Variants in VEPH1 observed in about 807,000 individuals in gnomAD.
The protein encoded by VEPH1 is ventricular zone-expressed PH domain-containing protein homolog 1.
VEPH1 carries 80 observed loss-of-function variants against 85.2 expected under a neutral mutation model. The ratio of observed to expected loss-of-function variants is 0.94; its 90% CI spans 0.78 to 1.13. The LOEUF is 1.13. Among genes scored for constraint, VEPH1 ranks in the 50% most tolerant of loss-of-function variants. VEPH1 has a pLI of 0.00. For missense variants in VEPH1, 955 were observed against 980.5 expected, an observed-to-expected ratio of 0.97 and a Z score of 0.35; for synonymous variants, 297 against 348.0, an observed-to-expected ratio of 0.85 and a Z score of 1.63.
At chr3:157,273,583 G>A (rs1013545593) in intron 12 of VEPH1, among the ~76,000 whole-genome samples, 5 of 152,130 alleles carry the variant, frequency 3.3e-5, no homozygotes, top group African/African-American at 1.2e-4. Flanking sequence ...AGCTGAGGAA[G>A]GGAGGCATAA....
At chr3:157,484,632 AT>A (rs1356136464) in intron 2 of VEPH1, among the ~76,000 whole-genome samples, 1 of 152,226 alleles carries the variant, frequency 6.6e-6, no homozygotes, top group Non-Finnish European at 1.5e-5. Context: ...TTTCAAGGGT[AT>A]TACACAGGTA....
intron 3 of VEPH1, among the ~76,000 whole-genome samples, chr3:157,464,549 A>G (rs1018250369): frequency 1.3e-5 from 2 of 152,222 alleles, no homozygotes; most frequent in African/African-American, 4.8e-5. Flanking sequence ...GAACAAATTC[A>G]GCGAAGTGCA....
intron 9 of VEPH1, among the ~76,000 whole-genome samples, chr3:157,344,945 A>G (rs1724033995): frequency 6.6e-6 from 1 of 152,260 alleles, no homozygotes; most frequent in African/African-American, 2.4e-5. Context: ...CCTATTTAAT[A>G]AATGGTGCTG....
chr3:157,318,475 G>A (rs1219018125), intron 9 of VEPH1, among the ~76,000 whole-genome samples: 1 of 152,066 alleles, frequency 6.6e-6, no homozygotes, highest in African/African-American at 2.4e-5. Flanking sequence ...GGGCATGGTG[G>A]CATCTGCCTA....
At chr3:157,295,602 T>TAA (rs371857352) in intron 11 of VEPH1, among the ~76,000 whole-genome samples, 103,039 of 152,006 alleles carry the variant, frequency 0.68, 35,170 homozygotes, top group East Asian at 0.78. Flanking sequence ...AGCAGAGAGC[T>TAA]GGTGTTGGAG....
intron 5 of VEPH1, among the ~76,000 whole-genome samples, chr3:157,416,468 C>T (rs546164959): frequency 5.9e-5 from 9 of 152,280 alleles, no homozygotes; most frequent in Non-Finnish European, 1.0e-4. Flanking sequence ...AGAAGCCATG[C>T]GAGGTCCCTG....
At chr3:157,380,761 C>G (rs184381685) in intron 7 of VEPH1, among the ~76,000 whole-genome samples, 1 of 152,324 alleles carries the variant, frequency 6.6e-6, no homozygotes, top group East Asian at 1.9e-4. Flanking sequence ...TCATACTAGT[C>G]AGTGAGCTTC....
At chr3:157,339,644 T>C (rs554009917) in intron 9 of VEPH1, among the ~76,000 whole-genome samples, 1 of 152,330 alleles carries the variant, frequency 6.6e-6, no homozygotes, top group South Asian at 2.1e-4. Context: ...CAGACCCTTG[T>C]GTCTGGAGGA....
chr3:157,441,166 A>T (rs1327706918), intron 4 of VEPH1, among the ~76,000 whole-genome samples: 1 of 152,172 alleles, frequency 6.6e-6, no homozygotes, highest in Non-Finnish European at 1.5e-5. Flanking sequence ...TCCTAGAGAA[A>T]TCTAGGGGTT....
intron 5 of VEPH1, among the ~76,000 whole-genome samples, chr3:157,419,565 GA>G (rs886201558): frequency 2.0e-5 from 3 of 151,798 alleles, no homozygotes; most frequent in Non-Finnish European, 4.4e-5. Flanking sequence ...GCAGACATAT[GA>G]AAAAAAACTC....
At chr3:157,282,085 T>C (rs1237645423) in intron 12 of VEPH1, among the ~76,000 whole-genome samples, 3 of 152,234 alleles carry the variant, frequency 2.0e-5, no homozygotes, top group Non-Finnish European at 4.4e-5. Flanking sequence ...GAAAAAACTC[T>C]CCTGACACAG....
At chr3:157,354,132 G>C (rs1453908157) in intron 9 of VEPH1, among the ~76,000 whole-genome samples, 2 of 152,118 alleles carry the variant, frequency 1.3e-5, no homozygotes, top group East Asian at 3.8e-4. Context: ...GCTGTGGTGA[G>C]GGATGCTGAC....
Position 157,406,990 on chromosome 3 carries a change from T to TA in VEPH1, c.906+6890_906+6891insT, listed in dbSNP as rs1189728875. 4.4e-3 allele frequency among the ~76,000 whole-genome samples: 585 copies of TA among 133,818 alleles called. 8 individuals carry two copies. The highest frequency in any genetic ancestry group is 0.029 in the South Asian group (119 of 4,124). The allele number at this position is 133,818 out of a possible 152,430, so 87.8% of individuals were successfully genotyped here. ...AAAGATACATGAATTCAAGTTGGCC[T>TA]CCCAAAAAAAAAAAAAAAATCAATG... On this transcript the variant is annotated intron_variant, in intron 6 of 13. Transcript: ENST00000362010.
intron 2 of VEPH1, among the ~76,000 whole-genome samples, chr3:157,474,486 GGTT>G (rs1407401380): frequency 2.6e-5 from 4 of 152,082 alleles, no homozygotes; most frequent in Non-Finnish European, 4.4e-5. Flanking sequence ...TCAAGTGAGT[GGTT>G]GTTAACTCTC....
chr3:157,398,034 A>C (rs751601911), intron 6 of VEPH1, among the ~76,000 whole-genome samples: 20 of 152,180 alleles, frequency 1.3e-4, no homozygotes, highest in Non-Finnish European at 2.9e-4. Flanking sequence ...CAATCACAGG[A>C]AACTCCCCAT....
chr3:157,483,303 G>A (rs990739980), intron 2 of VEPH1, among the ~76,000 whole-genome samples: 3 of 151,936 alleles, frequency 2.0e-5, no homozygotes, highest in African/African-American at 7.3e-5. Flanking sequence ...CACTTTGAAG[G>A]TACAACACTC....
intron 5 of VEPH1, among the ~76,000 whole-genome samples, chr3:157,417,268 T>C (rs569269033): frequency 3.9e-5 from 6 of 152,258 alleles, no homozygotes; most frequent in South Asian, 2.1e-4. Flanking sequence ...TGCTTCCTCA[T>C]TGGGAGCCGC....
At chr3:157,455,864 C>T (rs184399926) in intron 4 of VEPH1, among the ~76,000 whole-genome samples, 3 of 152,068 alleles carry the variant, frequency 2.0e-5, no homozygotes, top group Admixed American at 1.3e-4. Context: ...TCTTTGCTAA[C>T]GTGAATAGTG....
chr3:157,460,525 T>C (rs988919496), intron 3 of VEPH1, among the ~76,000 whole-genome samples, 170 bp from the exon 4 acceptor site: 1 of 152,234 alleles, frequency 6.6e-6, no homozygotes, highest in Non-Finnish European at 1.5e-5. Flanking sequence ...CTCTTGGTTT[T>C]GTTTAAGAGA....
Sources: allele counts gnomAD v4.1 joint callset (sites outside exome capture counted in the v4.1 genomes callset), GRCh38; gene constraint gnomAD v4.1.1; transcripts MANE v1.5; gene names NCBI Gene and HGNC (gene_info 2026-07-23, HGNC 2026-07-21).